The following DNAI4 variants were observed in gnomAD, a reference collection of about 807,000 sequenced individuals.
DNAI4 encodes WD repeat domain 78.
Under a neutral mutation model 105.8 loss-of-function variants are expected in DNAI4, and 85 were observed. That is an observed-to-expected ratio of 0.80 (90% CI 0.67 to 0.96). DNAI4 has a LOEUF of 0.96. DNAI4 is among the 40% of genes least tolerant of loss of function. DNAI4 has a pLI of 0.00. For synonymous variants in DNAI4, 352 were observed against 331.5 expected, an observed-to-expected ratio of 1.06 and a Z score of -0.67; for missense variants, 1,014 against 1,005.6, an observed-to-expected ratio of 1.01 and a Z score of -0.11.
chr1:66,900,321 G>A (rs1209515848), intron 2 of DNAI4, among the ~76,000 whole-genome samples: 2 of 151,990 alleles, frequency 1.3e-5, no homozygotes, highest in Non-Finnish European at 2.9e-5. Flanking sequence ...GGGTGGTCTC[G>A]AACTCCTGGT....
chr1:66,872,883 T>C (rs553884716), intron 5 of DNAI4, among the ~76,000 whole-genome samples: 2 of 151,814 alleles, frequency 1.3e-5, no homozygotes, highest in Admixed American at 1.3e-4. Flanking sequence ...CAGCTGATTT[T>C]TGTATTTTTA....
rs550498372 is a variant in DNAI4 at position 66,824,886 on chromosome 1, G to C, written c.2339+1934C>G. On this transcript the variant is annotated intron_variant, in intron 15 of 16. Coordinates refer to ENST00000371026, the MANE Select transcript of DNAI4 (RefSeq NM_024763.5). ...ATTAGTTGAAGGCCTTAAAAGAAAA[G>C]AATGATATCCACCAAAGTGGAATAA... Among the ~76,000 whole-genome samples the C allele has an allele frequency of 2.0e-4, 30 of 152,282 alleles. 1 individual carries two copies. The South Asian group carries it at 6.0e-3, about 30-fold the overall frequency.
At position 66,821,613 on chromosome 1, in the gene DNAI4, A is replaced by C. The variant is rs114392217; in HGVS notation, c.2496+748T>G. Among the ~76,000 whole-genome samples, 1,169 of 152,266 alleles carry C rather than the reference A, an allele frequency of 7.7e-3. 12 individuals carry two copies. Among genetic ancestry groups the C allele is most frequent in the African/African-American group, 0.027 (1,120 of 41,578 alleles). ...ATAATATTTTATCTTTTAAATTATT[A>C]GTGAGGTTGGATTTTAAAACATATT... On this transcript the variant is annotated intron_variant, in intron 16 of 16. Coordinates refer to ENST00000371026, the MANE Select transcript of DNAI4 (RefSeq NM_024763.5).
At chr1:66,846,087 G>T (rs927613720) in intron 8 of DNAI4, among the ~76,000 whole-genome samples, 2 of 152,004 alleles carry the variant, frequency 1.3e-5, no homozygotes, top group African/African-American at 4.8e-5. Flanking sequence ...TGAAAGAAGT[G>T]ATGTGCCAAC....
At chr1:66,899,546 T>A (rs1383410641) in intron 2 of DNAI4, among the ~76,000 whole-genome samples, 1 of 152,198 alleles carries the variant, frequency 6.6e-6, no homozygotes, top group East Asian at 1.9e-4. Flanking sequence ...TCACTCTGTA[T>A]ATGCTTTTGA....
At chr1:66,815,895 T>C (rs1287427878) in intron 16 of DNAI4, among the ~76,000 whole-genome samples, 1 of 152,224 alleles carries the variant, frequency 6.6e-6, no homozygotes, top group Non-Finnish European at 1.5e-5. Flanking sequence ...CCCCTAACCA[T>C]GAACCCTAAG....
chr1:66,909,492 T>C (rs1056772867), intron 1 of DNAI4, among the ~76,000 whole-genome samples: 2 of 152,024 alleles, frequency 1.3e-5, no homozygotes, highest in Non-Finnish European at 2.9e-5. Context: ...TTTCTCTTTT[T>C]TTTTTTTTAA....
intron 4 of DNAI4, among the ~76,000 whole-genome samples, chr1:66,882,176 T>C (rs989005150): frequency 6.6e-6 from 1 of 152,220 alleles, no homozygotes; most frequent in African/African-American, 2.4e-5. Flanking sequence ...GGGTTTTTTT[T>C]ACTGTGAAAT....
At chr1:66,816,977 ATACT>A (rs1453269847) in intron 16 of DNAI4, among the ~76,000 whole-genome samples, 2 of 152,146 alleles carry the variant, frequency 1.3e-5, no homozygotes, top group Non-Finnish European at 2.9e-5. Context: ...TGTTTAAATA[ATACT>A]TACATATATT....
At chr1:66,870,443 A>AG (rs1368228754) in intron 6 of DNAI4, among the ~76,000 whole-genome samples, 2 of 79,708 alleles carry the variant, frequency 2.5e-5, no homozygotes, top group Non-Finnish European at 4.8e-5. Context: ...ACTGTGCCTC[A>AG]AAAAAAAAAA....
rs559934866 is a variant in DNAI4 at position 66,903,053 on chromosome 1, G to A, written c.345+2148C>T. On this transcript the variant is annotated intron_variant, in intron 2 of 16. Transcript: ENST00000371026. ...CTCTTGATATTTCATATACATTTTA[G>A]GATAGGTTTTTCTACTTCTGAAAAA... is the stretch of plus-strand genomic sequence containing the variant. Among the ~76,000 whole-genome samples the A allele has an allele frequency of 3.9e-5, 6 of 152,254 alleles. 1 individual carries two copies. The East Asian group carries it at 1.2e-3, about 29-fold the overall frequency.
chr1:66,924,418 C>A (rs2100938456), intron 1 of DNAI4, among the ~76,000 whole-genome samples: 1 of 151,544 alleles, frequency 6.6e-6, no homozygotes, highest in Non-Finnish European at 1.5e-5. Flanking sequence ...GTGATCCACC[C>A]CACTCGGCCT....
chr1:66,907,193 T>C (rs1396622590), intron 1 of DNAI4, among the ~76,000 whole-genome samples: 3 of 152,190 alleles, frequency 2.0e-5, no homozygotes, highest in Non-Finnish European at 4.4e-5. Flanking sequence ...ACAATGTAGC[T>C]TTACTCTTTC....
intron 6 of DNAI4, among the ~76,000 whole-genome samples, chr1:66,870,037 T>A (rs780299512): frequency 5.3e-5 from 8 of 152,212 alleles, no homozygotes; most frequent in Admixed American, 3.9e-4. Context: ...ATAAGATGTA[T>A]GTATGTTCTT....
At chr1:66,894,881 A>C (rs573567671) in intron 2 of DNAI4, among the ~76,000 whole-genome samples, 1 of 152,262 alleles carries the variant, frequency 6.6e-6, no homozygotes, top group African/African-American at 2.4e-5. Context: ...GGCTATTTTT[A>C]GCCTTTAGCA....
intron 8 of DNAI4, 28 bp downstream of exon 8, chr1:66,847,456 C>G (rs368119629): frequency 1.4e-4 from 232 of 1,600,728 alleles, no homozygotes; most frequent in Non-Finnish European, 1.9e-4. Context: ...CTGCACCCAG[C>G]CTAAACATGT....
chr1:66,872,460 C>T (rs1646867702), intron 5 of DNAI4, among the ~76,000 whole-genome samples: 2 of 151,938 alleles, frequency 1.3e-5, no homozygotes, highest in Admixed American at 1.3e-4. Context: ...AACTCCTGAC[C>T]TCAGGTGATC....
rs899908670 is a variant in DNAI4 at position 66,814,084 on chromosome 1, A to G, written c.*46T>C. ...ATGTAATACAGAATATTGGATGTTAATTCCTTTTTTAAAACAACTACAAGA... is the reference window on the plus strand; with the variant it reads ...ATGTAATACAGAATATTGGATGTTAGTTCCTTTTTTAAAACAACTACAAGA... On this transcript the variant is annotated 3_prime_UTR_variant, in exon 17 of 17. Transcript: ENST00000371026. 7.3e-6 allele frequency: 11 copies of G among 1,514,280 alleles called. No individual in the cohort carries two copies. In the African/African-American group the frequency reaches 1.5e-4, roughly 21 times the overall value. The allele number at this position is 1,514,280 out of a possible 1,614,324, so 93.8% of individuals were successfully genotyped here. A position where few individuals can be genotyped will look rare whatever the true frequency, so the allele number is the denominator to read the frequency against.
chr1:66,843,582 G>C (rs1341040487), intron 8 of DNAI4, among the ~76,000 whole-genome samples: 1 of 151,998 alleles, frequency 6.6e-6, no homozygotes, highest in East Asian at 1.9e-4. Flanking sequence ...TCATGCATTT[G>C]GTGTTGTATT....
Sources: gnomAD v4.1 joint callset for allele counts (sites outside exome capture counted in the v4.1 genomes callset) on GRCh38, gnomAD v4.1.1 for gene constraint, MANE v1.5 for transcripts, NCBI Gene and HGNC (gene_info 2026-07-23, HGNC 2026-07-21) for gene names.